PCDH15: variants seen among roughly 807,000 people sequenced by gnomAD.
PCDH15 encodes protocadherin related 15.
In PCDH15, 129 loss-of-function variants were observed where a neutral mutation model predicts 178.5. That is an observed-to-expected ratio of 0.72 (90% CI 0.63 to 0.84). The LOEUF (loss-of-function observed/expected upper bound fraction) is 0.84, where lower values mean the gene tolerates loss of function less well. Among genes scored for constraint, PCDH15 ranks in the 40% least tolerant of loss-of-function variants. The pLI is 0.00. For missense variants in PCDH15, 2,230 were observed against 2,099.9 expected (o/e 1.06, Z -1.21); for synonymous variants, 800 against 732.0 (o/e 1.09, Z -1.50).
intron 2 of PCDH15, among the ~76,000 whole-genome samples, chr10:55,409,012 C>A (rs1232263401): frequency 6.6e-6 from 1 of 151,982 alleles, no homozygotes; most frequent in Non-Finnish European, 1.5e-5. Context: ...TTACTGGAAT[C>A]TCTTGATTTG....
intron 21 of PCDH15, among the ~76,000 whole-genome samples, chr10:53,966,551 T>C (rs575469793): frequency 3.4e-4 from 51 of 152,190 alleles, no homozygotes; most frequent in Admixed American, 2.1e-3. Flanking sequence ...CTAATATTAT[T>C]TCTGGGAAAT....
intron 1 of PCDH15, among the ~76,000 whole-genome samples, chr10:55,294,118 G>C (rs1399226434): frequency 6.6e-6 from 1 of 152,124 alleles, no homozygotes; most frequent in Non-Finnish European, 1.5e-5. Context: ...TACATGGATG[G>C]CAGCAGGCAA....
chr10:54,872,590 AT>A (rs764824923), intron 3 of PCDH15, among the ~76,000 whole-genome samples: 21 of 152,230 alleles, frequency 1.4e-4, no homozygotes, highest in Non-Finnish European at 2.5e-4. Context: ...ATCATTGATT[AT>A]TTTACTACAA....
intron 18 of PCDH15, among the ~76,000 whole-genome samples, chr10:54,062,237 AAAAAAAAAAAAAAAAC>A (rs2094035376): frequency 1.0e-5 from 1 of 95,998 alleles, no homozygotes; most frequent in African/African-American, 3.0e-5. Flanking sequence ...CAAAAAAAAA[AAAAAAAAAAAAAAAAC>A]AAAAAACAAC....
At chr10:54,437,602 C>G (rs774734239) in intron 3 of PCDH15, among the ~76,000 whole-genome samples, 1 of 152,108 alleles carries the variant, frequency 6.6e-6, no homozygotes, top group Non-Finnish European at 1.5e-5. Flanking sequence ...ACTGTCTCAA[C>G]TCATGGTATC....
intron 1 of PCDH15, among the ~76,000 whole-genome samples, chr10:55,254,517 C>A (rs568892830): frequency 6.6e-6 from 1 of 152,148 alleles, no homozygotes; most frequent in Non-Finnish European, 1.5e-5. Context: ...CAGACCAAAG[C>A]AAAAGAGGAT....
chr10:54,240,922 C>G (rs11004159), intron 8 of PCDH15, among the ~76,000 whole-genome samples: 8,529 of 151,996 alleles, frequency 0.056, 277 homozygotes, highest in South Asian at 0.095. Flanking sequence ...TGAGCCACCG[C>G]GCCTGGCCAA....
At chr10:54,936,664 A>AT (rs1242341939) in intron 2 of PCDH15, among the ~76,000 whole-genome samples, 1 of 150,420 alleles carries the variant, frequency 6.6e-6, no homozygotes, top group African/African-American at 2.4e-5. Context: ...TTCTTTAGCC[A>AT]TTTTTTATCT....
In PCDH15 at chr10:54,109,124, A is replaced by G. The variant is rs372428980; in HGVS notation, c.1918-19061T>C. The stretch of plus-strand genomic sequence containing the variant: ...TCCTTCTGCTTGAGAAAACTCTTGC[A>G]TGCTGTTCGTATAAATGTAAATCAG... On this transcript the variant is annotated intron_variant, in intron 15 of 37. Coordinates refer to ENST00000644397, the MANE Select transcript of PCDH15 (RefSeq NM_001384140.1). 1.2e-4 allele frequency among the ~76,000 whole-genome samples: 19 copies of G among 152,246 alleles called. No homozygotes were observed. In the East Asian group the frequency reaches 1.6e-3, roughly 12 times the overall value.
chr10:54,450,226 G>A (rs1294160483), intron 3 of PCDH15, among the ~76,000 whole-genome samples: 1 of 149,286 alleles, frequency 6.7e-6, no homozygotes. Context: ...CATGTGCCAT[G>A]TTGGTGTGCT....
chr10:55,141,197 C>A (rs945003674), intron 2 of PCDH15, among the ~76,000 whole-genome samples: 16 of 151,918 alleles, frequency 1.1e-4, no homozygotes, highest in Non-Finnish European at 2.1e-4. Flanking sequence ...ACAAATGTAG[C>A]AGCTCAACTA....
intron 2 of PCDH15, among the ~76,000 whole-genome samples, chr10:55,112,138 G>T (rs1837524722): frequency 6.6e-6 from 1 of 152,092 alleles, no homozygotes; most frequent in Non-Finnish European, 1.5e-5. Flanking sequence ...ATTGGTATAT[G>T]AAATGAACTG....
intron 2 of PCDH15, among the ~76,000 whole-genome samples, chr10:55,511,055 T>TTTG (rs1253244902): frequency 0.035 from 5,244 of 150,300 alleles, 273 homozygotes; most frequent in African/African-American, 0.11. Flanking sequence ...TTGTTTGTTT[T>TTTG]TTTTTTTAGA....
chr10:54,321,831 T>C (rs911123834), intron 7 of PCDH15, among the ~76,000 whole-genome samples: 2 of 151,988 alleles, frequency 1.3e-5, no homozygotes, highest in African/African-American at 2.4e-5. Flanking sequence ...ATAAAAATAA[T>C]CCTGGCAAAA....
chr10:54,561,572 A>G (rs2088166267), intron 2 of PCDH15, among the ~76,000 whole-genome samples: 1 of 152,114 alleles, frequency 6.6e-6, no homozygotes, highest in Admixed American at 6.6e-5. Context: ...CAGTGGTGAT[A>G]ACTTAGATGA....
At position 54,337,099 on chromosome 10, in the gene PCDH15, T is replaced by C. The variant is rs561753877; in HGVS notation, c.595-7393A>G. On this transcript the variant is annotated intron_variant, in intron 6 of 37. Transcript: ENST00000644397. ...GACCCTTTGTTTTTGCCAATTTCTC[T>C]CATTTGGAATGTATATATATATATA... Among the ~76,000 whole-genome samples the C allele has an allele frequency of 5.0e-5, 7 of 140,638 alleles. No individual in the cohort carries two copies. In the Admixed American group the frequency reaches 5.0e-4, roughly 10 times the overall value. The allele number at this position is 140,638 out of a possible 152,430, so 92.3% of individuals were successfully genotyped here.
rs144233306 is a variant in PCDH15 at position 54,808,010 on chromosome 10, C to T, written c.-29+89440G>A. ...TTATATAAATTTTATAGTTCTTTGGCGTTCCCAGTTTCAACAAATATTAGC... is the reference window on the plus strand; with the variant it reads ...TTATATAAATTTTATAGTTCTTTGGTGTTCCCAGTTTCAACAAATATTAGC... On this transcript the variant is annotated intron_variant, in intron 3 of 5. Transcript: ENST00000458638. Among the ~76,000 whole-genome samples, 97 of 151,658 alleles carry T rather than the reference C, an allele frequency of 6.4e-4. 1 individual carries two copies. In the East Asian group the frequency reaches 0.011, roughly 17 times the overall value.
intron 29 of PCDH15, among the ~76,000 whole-genome samples, chr10:53,835,339 A>C (rs1367196363): frequency 6.6e-6 from 1 of 151,990 alleles, no homozygotes; most frequent in Non-Finnish European, 1.5e-5. Context: ...AAGACAGATA[A>C]ACAAGCTAAA....
At chr10:54,191,984 G>C (rs573250712) in intron 11 of PCDH15, among the ~76,000 whole-genome samples, 1 of 136,218 alleles carries the variant, frequency 7.3e-6, no homozygotes, top group South Asian at 2.9e-4. Flanking sequence ...GGAAGGAAGG[G>C]ACGGGGGGAA....
Sources: allele counts gnomAD v4.1 joint callset (sites outside exome capture counted in the v4.1 genomes callset), GRCh38; gene constraint gnomAD v4.1.1; transcripts MANE v1.5; gene names NCBI Gene and HGNC (gene_info 2026-07-23, HGNC 2026-07-21).